Variants in ELFN1 observed in about 807,000 individuals in gnomAD.
ELFN1 encodes protein ELFN1.
In ELFN1, 6 loss-of-function variants were observed where a neutral mutation model predicts 7.6. That is an observed-to-expected ratio of 0.79 (90% CI 0.43 to 1.56). The LOEUF is 1.56. ELFN1 is among the 40% of genes most tolerant of loss of function. The pLI is 0.01. For missense variants in ELFN1, 1,169 were observed against 1,232.2 expected (o/e 0.95, Z 0.77); for synonymous variants, 657 against 588.1 (o/e 1.12, Z -1.70).
At chr7:1,720,010 T>A (rs1431712134) in intron 3 of ELFN1, among the ~76,000 whole-genome samples, 4 of 133,718 alleles carry the variant, frequency 3.0e-5, no homozygotes. Context: ...CCCCACCATC[T>A]CCTCTGCAAA....
Position 1,746,614 on chromosome 7 carries a change from G to A in ELFN1, c.2018G>A (p.Gly673Asp). 1.5e-6 allele frequency: 2 copies of A among 1,349,226 alleles called. No individual in the cohort carries two copies. The highest frequency in any genetic ancestry group is 2.1e-4 in the Middle Eastern group (1 of 4,766). 83.6% of individuals were successfully genotyped at this position (1,349,226 alleles called of 1,614,324 possible). ...GCCGAGGCCAAGTACATCGAGAAGG[G>A]CTCCCCCGCGGCCGACGCCATCCTC... ...AAAEAKYIEKGSPAADAILTV... is the reference protein window; with the variant it reads ...AAAEAKYIEKDSPAADAILTV... The change falls in exon 4 of 4, where the codon GGC becomes GAC. Residue 673 changes from glycine to aspartate, a missense_variant. Gly to Asp is a moderately conservative substitution (Grantham distance 94, BLOSUM62 -1). Around this residue, in one of 2 missense-constraint regions of ELFN1, gnomAD observed 914 missense variants for 872.6 expected, o/e 1.05. Transcript: ENST00000424383.
intron 1 of ELFN1, among the ~76,000 whole-genome samples, chr7:1,674,171 G>T (rs1778823186): frequency 2.0e-5 from 3 of 149,988 alleles, no homozygotes; most frequent in African/African-American, 7.4e-5. Context: ...GCCATGAGGG[G>T]TGCCCAGGAG....
chr7:1,746,521 C>T lies in ELFN1; in HGVS notation c.1925C>T (p.Ser642Phe). The change falls in exon 4 of 4, where the codon TCC becomes TTC. Residue 642 changes from serine to phenylalanine, a missense_variant. Transcript: ENST00000424383. ...GGGCCCCCTCGTGCCAGCACCTCGT[C>T]CAGCGGCTCCGTGCGCAGCCCCCGC... is the stretch of plus-strand genomic sequence containing the variant. ...AAGPPRASTS[S>F]SGSVRSPRAF... is the part of the protein sequence containing the mutation. 6.9e-7 allele frequency: 1 copy of T among 1,457,676 alleles called. No individual in the cohort carries two copies. Among genetic ancestry groups the T allele is most frequent in the Non-Finnish European group, 9.0e-7 (1 of 1,115,102 alleles). 90.3% of individuals were successfully genotyped at this position (1,457,676 alleles called of 1,614,324 possible). A position where few individuals can be genotyped will look rare whatever the true frequency, so the allele number is the denominator to read the frequency against.
intron 3 of ELFN1, among the ~76,000 whole-genome samples, chr7:1,724,361 G>A (rs575161868): frequency 1.3e-5 from 2 of 152,242 alleles, no homozygotes; most frequent in East Asian, 1.9e-4. Context: ...TCAGGTGACC[G>A]TGTTTACCCT....
rs187515641 is a variant in ELFN1 at position 1,676,931 on chromosome 7, C to T, written c.-549+6577C>T. ...TGGCTTTAAAGCATCCCTCTGATGT[C>T]GACGGAGAAAGGGTTTTTAAGGGCA... On this transcript the variant is annotated intron_variant, in intron 1 of 3. Coordinates refer to ENST00000424383, the MANE Select transcript of ELFN1 (RefSeq NM_001128636.4). Among the ~76,000 whole-genome samples, 8 of 152,190 alleles carry T rather than the reference C, an allele frequency of 5.3e-5. No homozygotes were observed. In the East Asian group the frequency reaches 7.7e-4, roughly 15 times the overall value.
intron 3 of ELFN1, among the ~76,000 whole-genome samples, chr7:1,730,079 A>AC (rs1780296376): frequency 6.6e-6 from 1 of 152,260 alleles, no homozygotes; most frequent in Non-Finnish European, 1.5e-5. Flanking sequence ...GATGCCTTCC[A>AC]GGCGGTCATG....
At position 1,673,941 on chromosome 7, in the gene ELFN1, G is replaced by A. The variant is rs984870004; in HGVS notation, c.-549+3587G>A. Among the ~76,000 whole-genome samples, 12 of 152,168 alleles carry A rather than the reference G, an allele frequency of 7.9e-5. No individual in the cohort carries two copies. Among genetic ancestry groups the A allele is most frequent in the African/African-American group, 1.2e-4 (5 of 41,436 alleles). ...TGGAACCCAGGCTGAGGCAGGAGGG[G>A]GTCCAGCAGGGCTTGAGGGACCTTC... On this transcript the variant is annotated intron_variant, in intron 1 of 3. Transcript: ENST00000424383. The surrounding 1 kb of genome is among the most constrained non-coding windows in gnomAD (Gnocchi z 4.7).
chr7:1,679,606 G>A (rs1210334887), intron 1 of ELFN1, among the ~76,000 whole-genome samples: 3 of 152,194 alleles, frequency 2.0e-5, no homozygotes, highest in South Asian at 4.1e-4. Flanking sequence ...GAGGGGAACC[G>A]AGGGTTCCTG....
chr7:1,715,549 C>A (rs954641555), intron 3 of ELFN1, among the ~76,000 whole-genome samples: 1 of 152,234 alleles, frequency 6.6e-6, no homozygotes, highest in African/African-American at 2.4e-5. Flanking sequence ...CTGCCCACTT[C>A]TGCCTCCCAG....
At chr7:1,708,732 T>C (rs542228366) in intron 2 of ELFN1, among the ~76,000 whole-genome samples, 6 of 148,360 alleles carry the variant, frequency 4.0e-5, no homozygotes, top group Middle Eastern at 3.4e-3. Context: ...GCCCCAGAAG[T>C]GAGCCCCACC....
At chr7:1,715,736 G>A (rs2128590202) in intron 3 of ELFN1, among the ~76,000 whole-genome samples, 1 of 152,320 alleles carries the variant, frequency 6.6e-6, no homozygotes, top group Admixed American at 6.5e-5. Flanking sequence ...CAGAAGGCGT[G>A]GCTGCAGATG....
At chr7:1,699,470 T>G (rs1015203192) in intron 2 of ELFN1, among the ~76,000 whole-genome samples, 1 of 152,092 alleles carries the variant, frequency 6.6e-6, no homozygotes, top group Non-Finnish European at 1.5e-5. Context: ...AGACCCTGTC[T>G]CTAAAAATTA....
chr7:1,677,199 A>T (rs1423599773), intron 1 of ELFN1, among the ~76,000 whole-genome samples: 1 of 152,256 alleles, frequency 6.6e-6, no homozygotes, highest in Non-Finnish European at 1.5e-5. Flanking sequence ...TGTGCGAAGC[A>T]AGTCCTGCTT....
At chr7:1,701,097 G>T (rs1333634931) in intron 2 of ELFN1, among the ~76,000 whole-genome samples, 1 of 152,040 alleles carries the variant, frequency 6.6e-6, no homozygotes, top group African/African-American at 2.4e-5. Flanking sequence ...GTGCGCGTGT[G>T]TGTGCGCATA....
At position 1,744,556 on chromosome 7, in the gene ELFN1, C is replaced by A; in HGVS notation, c.-41C>A. 2 of 1,456,822 alleles carry A rather than the reference C, an allele frequency of 1.4e-6. No homozygotes were observed. The highest frequency in any genetic ancestry group is 5.1e-5 in the East Asian group (2 of 39,452). 90.2% of individuals were successfully genotyped at this position (1,456,822 alleles called of 1,614,324 possible). A position where few individuals can be genotyped will look rare whatever the true frequency, so the allele number is the denominator to read the frequency against. On this transcript the variant is annotated 5_prime_UTR_variant, in exon 4 of 4. Transcript: ENST00000424383. ...GGCGCCTGGCCCCCCACCTGGTCCC[C>A]CTGGGCAGGCTGAATTGGGGCTCCC...
chr7:1,726,641 C>T (rs1780204898), intron 3 of ELFN1, among the ~76,000 whole-genome samples: 1 of 152,222 alleles, frequency 6.6e-6, no homozygotes, highest in African/African-American at 2.4e-5. Flanking sequence ...GGGAGGGCCC[C>T]CAAGTCCCTT....
In ELFN1 at chr7:1,729,025, G is replaced by A. The variant is rs73040565; in HGVS notation, c.-293-15279G>A. Among the ~76,000 whole-genome samples the A allele has an allele frequency of 5.2e-3, 787 of 152,288 alleles. 3 individuals carry two copies. The highest frequency in any genetic ancestry group is 7.9e-3 in the Non-Finnish European group (539 of 68,010). On this transcript the variant is annotated intron_variant, in intron 3 of 3. Transcript: ENST00000424383. ...AAATCACCCAGCTGGGGAGCAGCCG[G>A]CTGCTCAGGAGGCAAACTCAGCTTA...
Position 1,745,382 on chromosome 7 carries a change from C to T in ELFN1, c.786C>T (p.Pro262=), listed in dbSNP as rs1182763414. The change falls in exon 4 of 4, where the codon CCC becomes CCT. Residue 262 remains proline (P), a synonymous_variant. Transcript: ENST00000424383. The stretch of plus-strand genomic sequence containing the variant: ...CGTACGCGGCTGAGGTGGTCGGGCC[C>T]CCACGTCCAGCATCCGGGCGCTCAC... ...EDSYAAEVVG[P]PRPASGRSQP... The T allele has an allele frequency of 1.4e-5, 21 of 1,538,882 alleles. No individual in the cohort carries two copies. The highest frequency in any genetic ancestry group is 3.3e-4 in the Middle Eastern group (2 of 5,998).
rs1217494201 is a variant in ELFN1, at chr7:1,747,089, C to T, written c.*6C>T. 9 of 1,469,724 alleles carry T rather than the reference C, an allele frequency of 6.1e-6. No individual in the cohort carries two copies. The highest frequency in any genetic ancestry group is 4.8e-5 in the Admixed American group (2 of 41,668). 91.0% of individuals were successfully genotyped at this position (1,469,724 alleles called of 1,614,324 possible). On this transcript the variant is annotated 3_prime_UTR_variant, in exon 4 of 4. Coordinates refer to ENST00000424383, the MANE Select transcript of ELFN1 (RefSeq NM_001128636.4). ...CGGCCCAGCACAAGTCCTGAGCCCC[C>T]CAAGACCGGCGATGCCCACTGGACC...
Sources: allele counts gnomAD v4.1 joint callset (sites outside exome capture counted in the v4.1 genomes callset), GRCh38; gene constraint gnomAD v4.1.1; regional missense constraint gnomAD v4.1.1; non-coding constraint Gnocchi (gnomAD v3.1); transcripts MANE v1.5; gene names NCBI Gene and HGNC (gene_info 2026-07-23, HGNC 2026-07-21).